Variants in C4orf17 observed in about 807,000 individuals in gnomAD.
The protein encoded by C4orf17 is uncharacterized protein C4orf17.
Under a neutral mutation model 32.0 loss-of-function variants are expected in C4orf17, and 25 were observed. That is an observed-to-expected ratio of 0.78 (90% confidence interval 0.57 to 1.09). The LOEUF (loss-of-function observed/expected upper bound fraction) is 1.09, where lower values mean the gene tolerates loss of function less well. Among genes scored for constraint, C4orf17 ranks in the 50% least tolerant of loss-of-function variants. The probability of loss-of-function intolerance (pLI) is 0.00; values close to 1 mark genes in which losing one functional copy is unlikely to be tolerated. For synonymous variants in C4orf17, 149 were observed against 145.8 expected, an observed-to-expected ratio of 1.02 and a Z score of -0.16; for missense variants, 420 against 420.0, an observed-to-expected ratio of 1.00 and a Z score of 0.00.
chr4:99,522,494 A>G lies in C4orf17; in HGVS notation c.128-6A>G. 6.2e-7 allele frequency: 1 copy of G among 1,610,078 alleles called. No homozygotes were observed. Among genetic ancestry groups the G allele is most frequent in the Non-Finnish European group, 8.5e-7 (1 of 1,176,868 alleles). On this transcript the variant is annotated splice_polypyrimidine_tract_variant and splice_region_variant and intron_variant, in intron 2 of 8. Coordinates refer to ENST00000326581, the MANE Select transcript of C4orf17 (RefSeq NM_032149.3). ...CTGTCTCTTTTTTTAATCTTTACTC[A>G]CCTAGGCTTGAATAACATTCCAATC... is the stretch of plus-strand genomic sequence containing the variant.
chr4:99,524,010 T>C (rs113283517), intron 3 of C4orf17, among the ~76,000 whole-genome samples: 3,332 of 147,546 alleles, frequency 0.023, 135 homozygotes, highest in African/African-American at 0.079. Flanking sequence ...GACGGAGTCT[T>C]GCTCTGTCGC....
intron 7 of C4orf17, 98 bp downstream of exon 7, chr4:99,539,468 T>G: frequency 7.3e-6 from 7 of 963,486 alleles, no homozygotes; most frequent in Non-Finnish European, 1.1e-5. Context: ...AACAGGAGGT[T>G]CTAAAGCTCC....
intron 1 of C4orf17, 39 bp from the exon 2 acceptor site, chr4:99,512,950 G>A (rs1297713177): frequency 1.1e-6 from 1 of 877,538 alleles, no homozygotes; most frequent in African/African-American, 1.7e-5. Context: ...AAAGTGACAA[G>A]AAACTCTTGT....
intron 4 of C4orf17, among the ~76,000 whole-genome samples, chr4:99,525,878 A>T (rs1723379783): frequency 6.6e-6 from 1 of 151,814 alleles, no homozygotes; most frequent in Non-Finnish European, 1.5e-5. Flanking sequence ...ATCTTTTGTT[A>T]TGCATGTTTT....
chr4:99,534,463 C>A (rs1723528192), intron 5 of C4orf17, among the ~76,000 whole-genome samples: 1 of 152,094 alleles, frequency 6.6e-6, no homozygotes, highest in African/African-American at 2.4e-5. Flanking sequence ...ATCTTTATAA[C>A]AAAATAATTT....
At chr4:99,525,934 G>A (rs1358133210) in intron 4 of C4orf17, among the ~76,000 whole-genome samples, 2 of 151,944 alleles carry the variant, frequency 1.3e-5, no homozygotes, top group Non-Finnish European at 2.9e-5. Flanking sequence ...ATTTTGATGT[G>A]TCTTTAAAAA....
intron 5 of C4orf17, among the ~76,000 whole-genome samples, chr4:99,532,321 T>C (rs188477526): frequency 4.6e-5 from 7 of 152,186 alleles, no homozygotes; most frequent in East Asian, 1.9e-4. Context: ...CAGTGATGAA[T>C]TGGATAAAGA....
At chr4:99,534,094 T>C (rs1723520412) in intron 5 of C4orf17, among the ~76,000 whole-genome samples, 1 of 152,198 alleles carries the variant, frequency 6.6e-6, no homozygotes, top group Non-Finnish European at 1.5e-5. Flanking sequence ...CTAAGTATTA[T>C]GCCAAGCATC....
chr4:99,518,581 A>AGG (rs1723235131), intron 2 of C4orf17, among the ~76,000 whole-genome samples: 14 of 110,692 alleles, frequency 1.3e-4, no homozygotes, highest in Non-Finnish European at 2.2e-4. Context: ...AGAGAGAGAG[A>AGG]GAGGGAGGGA....
chr4:99,540,507 T>A, intron 8 of C4orf17, 52 bp downstream of exon 8: 2 of 1,153,218 alleles, frequency 1.7e-6, no homozygotes, highest in Non-Finnish European at 2.6e-6. Context: ...AACCAGTAAG[T>A]ACTAATGACT....
At chr4:99,521,622 G>A (rs1396895883) in intron 2 of C4orf17, among the ~76,000 whole-genome samples, 1 of 152,180 alleles carries the variant, frequency 6.6e-6, no homozygotes, top group East Asian at 1.9e-4. Context: ...AGACAATTAA[G>A]AATTAGGTGA....
chr4:99,540,544 C>T lies in C4orf17; in HGVS notation c.880+89C>T, dbSNP rs181781992. 823 of 845,976 alleles carry T rather than the reference C, an allele frequency of 9.7e-4. 7 individuals are homozygous for T. The African/African-American group carries it at 0.012, about 12-fold the overall frequency. 52.4% of individuals were successfully genotyped at this position (845,976 alleles called of 1,614,324 possible). On this transcript the variant is annotated intron_variant, in intron 8 of 8. Coordinates refer to ENST00000326581, the MANE Select transcript of C4orf17 (RefSeq NM_032149.3). ...AGGGAACAGATTTTAAGGATCAGTGCTTTTAAAAAAACAGAAAAATACAAT... is the reference window on the plus strand; with the variant it reads ...AGGGAACAGATTTTAAGGATCAGTGTTTTTAAAAAAACAGAAAAATACAAT...
Position 99,522,622 on chromosome 4 carries a change from C to A in C4orf17, c.250C>A (p.Pro84Thr), listed in dbSNP as rs1196059191. The change falls in exon 3 of 9, where the codon CCC becomes ACC. Residue 84 changes from proline (P) to threonine (T), a missense_variant. Coordinates refer to ENST00000326581, the MANE Select transcript of C4orf17 (RefSeq NM_032149.3). ...NRIPFANCSY[P>T]SSTAVQESPV... ...GATACCATTTGCCAATTGCAGTTAC[C>A]CCTCCAGCACTGCAGTCCAGGAGAG... 1 of 1,613,900 alleles carries A rather than the reference C, an allele frequency of 6.2e-7. No individual in the cohort carries two copies. The highest frequency in any genetic ancestry group is 1.3e-5 in the African/African-American group (1 of 74,974).
At chr4:99,525,412 C>T (rs1723370663) in intron 4 of C4orf17, among the ~76,000 whole-genome samples, 1 of 152,164 alleles carries the variant, frequency 6.6e-6, no homozygotes, top group South Asian at 2.1e-4. Flanking sequence ...GCATTTTCCT[C>T]ATGATGTTGA....
intron 8 of C4orf17, chr4:99,540,760 C>A: frequency 4.7e-6 from 1 of 210,912 alleles, no homozygotes; most frequent in Non-Finnish European, 9.4e-6. Flanking sequence ...ATTGACCTAA[C>A]AAAAGGACAA....
chr4:99,523,717 T>C (rs946689319), intron 3 of C4orf17, among the ~76,000 whole-genome samples: 1 of 152,102 alleles, frequency 6.6e-6, no homozygotes, highest in African/African-American at 2.4e-5. Context: ...TATCTATAAA[T>C]TAATGTAAAG....
intron 6 of C4orf17, among the ~76,000 whole-genome samples, chr4:99,538,574 G>A (rs540271867): frequency 3.3e-5 from 5 of 152,292 alleles, no homozygotes; most frequent in African/African-American, 1.2e-4. Flanking sequence ...GTTTAGAGGC[G>A]ATGGGTCTTT....
chr4:99,518,544 T>TATAGAG (rs1393245676), intron 2 of C4orf17, among the ~76,000 whole-genome samples: 8 of 36,820 alleles, frequency 2.2e-4, no homozygotes, highest in South Asian at 1.5e-3. Context: ...TATATATATA[T>TATAGAG]AGAGAGAGAG....
At chr4:99,539,042 T>C in intron 6 of C4orf17, 121 bp from the exon 7 acceptor site, 2 of 909,722 alleles carry the variant, frequency 2.2e-6, no homozygotes, top group Non-Finnish European at 3.5e-6. Context: ...CCCACATAGG[T>C]AACTATCCAG....
Sources: allele counts gnomAD v4.1 joint callset (sites outside exome capture counted in the v4.1 genomes callset), GRCh38; gene constraint gnomAD v4.1.1; transcripts MANE v1.5; gene names NCBI Gene and HGNC (gene_info 2026-07-23, HGNC 2026-07-21).